The following NAV3 variants were observed in gnomAD, a reference collection of about 807,000 sequenced individuals.
NAV3 encodes the protein neuron navigator 3.
In NAV3, 87 loss-of-function variants were observed where a neutral mutation model predicts 244.7. That is an observed-to-expected ratio of 0.36 (90% confidence interval 0.30 to 0.42). The LOEUF (loss-of-function observed/expected upper bound fraction) is 0.42. Ranked by LOEUF, NAV3 falls within the 20% of genes least tolerant of loss-of-function variation. The pLI is 1.00. For synonymous variants in NAV3, 1,126 were observed against 1,042.2 expected (o/e 1.08, Z -1.55); for missense variants, 2,663 against 2,893.3 (o/e 0.92, Z 1.83).
intron 12 of NAV3, among the ~76,000 whole-genome samples, chr12:78,080,317 G>C (rs547265164): frequency 6.6e-6 from 1 of 152,082 alleles, no homozygotes; most frequent in African/African-American, 2.4e-5. Context: ...GCATTCTCTC[G>C]TTTTCCAAAG....
chr12:77,595,609 A>C (rs927632795), intron 2 of NAV3, among the ~76,000 whole-genome samples: 1 of 152,178 alleles, frequency 6.6e-6, no homozygotes, highest in Non-Finnish European at 1.5e-5. Context: ...TCATTTTACT[A>C]TGTATATGAA....
Position 78,120,202 on chromosome 12 carries a change from A to G in NAV3, c.3749+257A>G, listed in dbSNP as rs201122326. On this transcript the variant is annotated intron_variant, in intron 15 of 39. Transcript: ENST00000397909. ...TTGTGATACTAGCAACACAAACAAC[A>G]TCTAAGAGACTTAAAAGCTGATGGT... 1.8e-3 allele frequency among the ~76,000 whole-genome samples: 261 copies of G among 145,898 alleles called. 5 individuals are homozygous for G. In the East Asian group the frequency reaches 0.048, roughly 27 times the overall value.
At chr12:77,622,416 T>C (rs1008361185) in intron 2 of NAV3, among the ~76,000 whole-genome samples, 28 of 151,720 alleles carry the variant, frequency 1.8e-4, no homozygotes, top group African/African-American at 5.8e-4. Context: ...GCCTCAGCCT[T>C]CCAAAGTGCT....
intron 12 of NAV3, among the ~76,000 whole-genome samples, chr12:78,078,427 G>T (rs1327551543): frequency 1.9e-5 from 2 of 105,958 alleles, no homozygotes; most frequent in Non-Finnish European, 3.4e-5. Context: ...ACGGAGTCTC[G>T]CTCTGTCGCC....
intron 11 of NAV3, chr12:78,056,402 T>G (rs998347853): frequency 3.3e-5 from 5 of 152,162 alleles, no homozygotes; most frequent in Admixed American, 3.3e-4. Context: ...AAGTTTAATT[T>G]GATGGTGTTT....
intron 5 of NAV3, among the ~76,000 whole-genome samples, chr12:77,993,928 A>G (rs1173456029): frequency 6.6e-6 from 1 of 152,186 alleles, no homozygotes; most frequent in Non-Finnish European, 1.5e-5. Context: ...GTGTGTGCAC[A>G]TGTCCTGGGT....
chr12:77,908,643 A>G (rs1886257700), intron 1 of NAV3, among the ~76,000 whole-genome samples: 1 of 152,080 alleles, frequency 6.6e-6, no homozygotes, highest in South Asian at 2.1e-4. Flanking sequence ...TCATCTAAAA[A>G]GCACATTGCT....
At chr12:77,671,300 A>T (rs980113747) in intron 2 of NAV3, among the ~76,000 whole-genome samples, 5 of 152,124 alleles carry the variant, frequency 3.3e-5, no homozygotes, top group Admixed American at 2.6e-4. Context: ...GGAAGAACTC[A>T]TAGATGACAC....
rs553408282 is a variant in NAV3 at position 78,063,760 on chromosome 12, A to T, written c.2636+4645A>T. Among the ~76,000 whole-genome samples the T allele has an allele frequency of 2.0e-4, 31 of 152,268 alleles. No individual in the cohort carries two copies. The South Asian group carries it at 5.6e-3, about 27-fold the overall frequency. On this transcript the variant is annotated intron_variant, in intron 12 of 39. Transcript: ENST00000397909. ...GAAAGCATACAACTTTTTGACATCC[A>T]GCCTGGGAGAAATCAGAAGGAATGT...
intron 1 of NAV3, among the ~76,000 whole-genome samples, chr12:77,874,611 T>TA (rs71440495): frequency 0.011 from 1,691 of 148,212 alleles, 19 homozygotes; most frequent in Middle Eastern, 0.039. Flanking sequence ...TTGTGGTTAG[T>TA]AAAAAAAAAA....
intron 1 of NAV3, among the ~76,000 whole-genome samples, chr12:77,931,596 G>C (rs1888797289): frequency 6.6e-6 from 1 of 152,114 alleles, no homozygotes; most frequent in South Asian, 2.1e-4. Flanking sequence ...GCCAGGTGCG[G>C]TGGCTCACTC....
intron 12 of NAV3, among the ~76,000 whole-genome samples, chr12:78,092,245 A>G (rs997513500): frequency 6.6e-6 from 1 of 152,200 alleles, no homozygotes; most frequent in African/African-American, 2.4e-5. Flanking sequence ...TGAATGACAT[A>G]TTAAAAACAA....
chr12:78,119,477 G>C lies in NAV3; in HGVS notation c.3281G>C (p.Gly1094Ala), dbSNP rs2138613238. 6.2e-7 allele frequency: 1 copy of C among 1,614,206 alleles called. No homozygotes were observed. The highest frequency in any genetic ancestry group is 8.5e-7 in the Non-Finnish European group (1 of 1,180,036). ...ATAACAAGTGGCTCTGCAACACTGGGTAAAATTCCAAAATCTGCTGCCATT... is the reference window on the plus strand; with the variant it reads ...ATAACAAGTGGCTCTGCAACACTGGCTAAAATTCCAAAATCTGCTGCCATT... ...ATITSGSATLGKIPKSAAIGG... is the reference protein window; with the variant it reads ...ATITSGSATLAKIPKSAAIGG... The change falls in exon 15 of 40, where the codon GGT becomes GCT. Residue 1094 changes from glycine (G) to alanine (A), a missense_variant. This residue lies in a region of NAV3 where 1,521 missense variants were observed against 1,497.0 expected (regional missense o/e 1.02). Transcript: ENST00000397909.
chr12:77,689,214 G>A (rs577438974), intron 2 of NAV3, among the ~76,000 whole-genome samples: 19 of 151,858 alleles, frequency 1.3e-4, no homozygotes, highest in Non-Finnish European at 2.5e-4. Context: ...TTATTCTCAT[G>A]TCTTGAACAT....
intron 22 of NAV3, among the ~76,000 whole-genome samples, chr12:78,154,807 A>G (rs1186421073): frequency 6.6e-6 from 1 of 152,034 alleles, no homozygotes; most frequent in African/African-American, 2.4e-5. Context: ...CTCTCAGACA[A>G]GATGTGATAC....
intron 1 of NAV3, among the ~76,000 whole-genome samples, chr12:77,928,985 T>C (rs1255289580): frequency 6.6e-6 from 1 of 152,212 alleles, no homozygotes; most frequent in Non-Finnish European, 1.5e-5. Flanking sequence ...TGATTATTTG[T>C]CCATCTGGCT....
chr12:77,610,288 G>A (rs1159186453), intron 2 of NAV3, among the ~76,000 whole-genome samples: 4 of 151,950 alleles, frequency 2.6e-5, no homozygotes, highest in African/African-American at 7.2e-5. Context: ...AACATTTGTC[G>A]AAGTTATCTT....
chr12:78,078,099 T>G (rs2137767240), intron 12 of NAV3, among the ~76,000 whole-genome samples: 1 of 152,254 alleles, frequency 6.6e-6, no homozygotes, highest in East Asian at 1.9e-4. Context: ...CTTCCCTGTG[T>G]GTGTCTGTGT....
Position 78,180,990 on chromosome 12 carries a change from G to A in NAV3, c.5637G>A (p.Arg1879=), listed in dbSNP as rs200243531. 9.9e-5 allele frequency: 159 copies of A among 1,613,198 alleles called. 1 individual carries two copies. The African/African-American group carries it at 1.7e-3, about 17-fold the overall frequency. The change falls in exon 30 of 40, where the codon AGG becomes AGA. Residue 1879 remains arginine, a synonymous_variant. Transcript: ENST00000397909. ...SSSSTSSSSS[R]QSLGLSLNNL... ...GCAGCACCTCCTCTTCATCTTCCAGGCAGTCATTAGGACTTTCTCTAAACA... is the reference window on the plus strand; with the variant it reads ...GCAGCACCTCCTCTTCATCTTCCAGACAGTCATTAGGACTTTCTCTAAACA...
Sources: allele counts gnomAD v4.1 joint callset (sites outside exome capture counted in the v4.1 genomes callset), GRCh38; gene constraint gnomAD v4.1.1; regional missense constraint gnomAD v4.1.1; transcripts MANE v1.5; gene names NCBI Gene and HGNC (gene_info 2026-07-23, HGNC 2026-07-21).